PARD3: variants seen among roughly 807,000 people sequenced by gnomAD.
The protein encoded by PARD3 is par-3 family cell polarity regulator, also known as partitioning defective 3 homolog.
A neutral mutation model predicts 155.4 loss-of-function variants in PARD3; 75 were observed. The observed-to-expected ratio is 0.48, with a 90% confidence interval of 0.40 to 0.58. The LOEUF is 0.58. Among genes scored for constraint, PARD3 ranks in the 20% least tolerant of loss-of-function variants. The pLI is 0.00. For missense variants in PARD3, 1,642 were observed against 1,721.7 expected, an observed-to-expected ratio of 0.95 and a Z score of 0.82; for synonymous variants, 576 against 610.5, an observed-to-expected ratio of 0.94 and a Z score of 0.83.
chr10:34,597,413 A>G (rs532489499), intron 2 of PARD3, among the ~76,000 whole-genome samples: 1 of 151,328 alleles, frequency 6.6e-6, no homozygotes, highest in East Asian at 1.9e-4. Context: ...TAACTTTTTA[A>G]ATTTTTATTT....
intron 1 of PARD3, among the ~76,000 whole-genome samples, chr10:34,789,937 G>A (rs552334364): frequency 7.9e-5 from 12 of 152,252 alleles, no homozygotes; most frequent in African/African-American, 2.9e-4. Flanking sequence ...CATCCAGTAT[G>A]CTTGCTCAAA....
At chr10:34,355,146 G>A (rs1838653166) in intron 14 of PARD3, among the ~76,000 whole-genome samples, 1 of 152,066 alleles carries the variant, frequency 6.6e-6, no homozygotes, top group Non-Finnish European at 1.5e-5. Context: ...AACCAACCTG[G>A]GCAACATAGT....
At chr10:34,161,623 C>G (rs1016628805) in intron 22 of PARD3, among the ~76,000 whole-genome samples, 1 of 152,154 alleles carries the variant, frequency 6.6e-6, no homozygotes, top group African/African-American at 2.4e-5. Flanking sequence ...CCACCAGCAC[C>G]ATGACGGTTG....
At chr10:34,748,645 T>A (rs73273454) in intron 1 of PARD3, among the ~76,000 whole-genome samples, 1 of 150,898 alleles carries the variant, frequency 6.6e-6, no homozygotes, top group African/African-American at 2.4e-5. Context: ...AGTAGCAGCA[T>A]CCCCCCCTGC....
intron 2 of PARD3, among the ~76,000 whole-genome samples, chr10:34,603,709 AG>A (rs1203935798): frequency 1.3e-5 from 2 of 152,196 alleles, no homozygotes; most frequent in Admixed American, 6.5e-5. Flanking sequence ...AGGGAGTAGA[AG>A]GATCAGAGGA....
chr10:34,563,218 T>A (rs1372664794), intron 2 of PARD3, among the ~76,000 whole-genome samples: 1 of 152,218 alleles, frequency 6.6e-6, no homozygotes, highest in Non-Finnish European at 1.5e-5. Context: ...GGATTATAAA[T>A]GTAATATTTT....
At chr10:34,140,299 T>A (rs567123830) in intron 22 of PARD3, among the ~76,000 whole-genome samples, 3 of 152,218 alleles carry the variant, frequency 2.0e-5, no homozygotes, top group Admixed American at 6.5e-5. Context: ...TAAATTTTAA[T>A]GATGAGCAGT....
chr10:34,436,914 G>C lies in PARD3; in HGVS notation c.714+13403C>G, dbSNP rs551712056. ...TGCTCATAAAAGCATGGTACCATTT[G>C]AAAGGAGCCACAAGAAACAAATAAC... On this transcript the variant is annotated intron_variant, in intron 5 of 24. Coordinates refer to ENST00000374788, the MANE Select transcript of PARD3 (RefSeq NM_001184785.2). Among the ~76,000 whole-genome samples, 4 of 152,306 alleles carry C rather than the reference G, an allele frequency of 2.6e-5. No individual in the cohort carries two copies. In the East Asian group the frequency reaches 7.7e-4, roughly 29 times the overall value.
chr10:34,131,523 T>C lies in PARD3; in HGVS notation c.3480A>G (p.Gln1160=), dbSNP rs772389729. The C allele has an allele frequency of 6.2e-7, 1 of 1,613,978 alleles. No homozygotes were observed. The highest frequency in any genetic ancestry group is 8.5e-7 in the Non-Finnish European group (1 of 1,179,832). The change falls in exon 23 of 25, where the codon CAA becomes CAG. Residue 1160 remains glutamine (Q), a synonymous_variant. Transcript: ENST00000374788. ...RIQRLRQEFQ[Q]AKQDEDVEDR... ...CTTCTACATCTTCATCTTGCTTTGC[T>C]TGCTGAAATTCTTGCCTCAGACGCT... is the stretch of plus-strand genomic sequence containing the variant.
chr10:34,156,675 C>T (rs1949019990), intron 22 of PARD3, among the ~76,000 whole-genome samples: 1 of 152,158 alleles, frequency 6.6e-6, no homozygotes, highest in Non-Finnish European at 1.5e-5. Context: ...AAGTCAAGCC[C>T]TCACTAAGAG....
chr10:34,714,590 G>C (rs1441406195), intron 1 of PARD3, among the ~76,000 whole-genome samples: 3 of 152,114 alleles, frequency 2.0e-5, no homozygotes, highest in African/African-American at 7.2e-5. Context: ...GGAGGGGCCT[G>C]TTCCCAATGT....
intron 2 of PARD3, among the ~76,000 whole-genome samples, chr10:34,666,777 T>TCAAAAAAAAAAAAAAA (rs1554804561): frequency 5.9e-5 from 1 of 17,058 alleles, no homozygotes; most frequent in African/African-American, 1.4e-4. Context: ...CCCCTCCCCC[T>TCAAAAAAAAAAAAAAA]AAAAAAAAAA....
intron 5 of PARD3, among the ~76,000 whole-genome samples, chr10:34,430,246 T>C (rs1429527457): frequency 6.6e-6 from 1 of 152,218 alleles, no homozygotes. Context: ...AACATAACCA[T>C]CTAACACATA....
At chr10:34,389,454 T>G (rs1223142408) in intron 7 of PARD3, among the ~76,000 whole-genome samples, 2 of 152,162 alleles carry the variant, frequency 1.3e-5, no homozygotes, top group Non-Finnish European at 2.9e-5. Context: ...GTTAACATTT[T>G]CAATTCTAAG....
At chr10:34,692,041 G>A (rs1394446353) in intron 2 of PARD3, among the ~76,000 whole-genome samples, 2 of 152,180 alleles carry the variant, frequency 1.3e-5, no homozygotes, top group African/African-American at 4.8e-5. Flanking sequence ...AGACCAGCAT[G>A]GCCAACATGG....
chr10:34,289,179 C>A, intron 20 of PARD3, among the ~76,000 whole-genome samples: 1 of 151,612 alleles, frequency 6.6e-6, no homozygotes, highest in Admixed American at 6.6e-5. Context: ...ATTGTCCCTG[C>A]GGGTCTTTTT....
At chr10:34,246,628 T>C (rs1179217704) in intron 22 of PARD3, among the ~76,000 whole-genome samples, 1 of 149,348 alleles carries the variant, frequency 6.7e-6, no homozygotes, top group Admixed American at 6.6e-5. Context: ...ACCCTGGGCA[T>C]GAGTAAGGGA....
intron 2 of PARD3, among the ~76,000 whole-genome samples, chr10:34,626,074 G>A (rs561833645): frequency 3.3e-5 from 5 of 152,188 alleles, no homozygotes; most frequent in African/African-American, 1.2e-4. Context: ...TATTGTTTTG[G>A]TCCCCTCAAA....
At chr10:34,494,691 T>C (rs956655805) in intron 3 of PARD3, among the ~76,000 whole-genome samples, 1 of 152,198 alleles carries the variant, frequency 6.6e-6, no homozygotes, top group African/African-American at 2.4e-5. Context: ...TTATTAAACA[T>C]ATACAAGGAA....
Sources: allele counts gnomAD v4.1 joint callset (sites outside exome capture counted in the v4.1 genomes callset), GRCh38; gene constraint gnomAD v4.1.1; transcripts MANE v1.5; gene names NCBI Gene and HGNC (gene_info 2026-07-23, HGNC 2026-07-21).